The following GALNT9 variants were observed in gnomAD, a reference collection of about 807,000 sequenced individuals.
The protein encoded by GALNT9 is polypeptide N-acetylgalactosaminyltransferase 9.
Under a neutral mutation model 63.1 loss-of-function variants are expected in GALNT9, and 47 were observed. The observed-to-expected ratio is 0.75, with a 90% confidence interval of 0.59 to 0.95. The LOEUF is 0.95. Among genes scored for constraint, GALNT9 ranks in the 40% least tolerant of loss-of-function variants. The pLI is 0.00. For missense variants in GALNT9, 829 were observed against 874.8 expected (o/e 0.95, Z 0.66); for synonymous variants, 396 against 365.7 (o/e 1.08, Z -0.94).
chr12:132,260,849 C>A (rs1879347942), intron 4 of GALNT9, 99 bp downstream of exon 4: 7 of 1,423,972 alleles, frequency 4.9e-6, no homozygotes, highest in Non-Finnish European at 6.4e-6. Flanking sequence ...AGCCCCGGGG[C>A]CAACCCAGCG....
At chr12:132,313,805 T>TCCACCCACCCAC in intron 1 of GALNT9, among the ~76,000 whole-genome samples, 1 of 38,236 alleles carries the variant, frequency 2.6e-5, no homozygotes, top group Admixed American at 2.6e-4. Flanking sequence ...CACCCACCCA[T>TCCACCCACCCAC]CCACCCATCC....
At chr12:132,231,233 CAG>C (rs1403131716) in intron 6 of GALNT9, among the ~76,000 whole-genome samples, 1 of 49,464 alleles carries the variant, frequency 2.0e-5, no homozygotes, top group Non-Finnish European at 3.4e-5. Flanking sequence ...GATGGGGCGA[CAG>C]AGGAGACAGC....
intron 1 of GALNT9, among the ~76,000 whole-genome samples, chr12:132,311,884 C>A (rs1555245235): frequency 1.3e-5 from 2 of 152,204 alleles, no homozygotes; most frequent in Non-Finnish European, 2.9e-5. Flanking sequence ...AGCTCCCTTG[C>A]CCCTCTCTTT....
At chr12:132,300,800 C>G (rs1008652059) in intron 1 of GALNT9, among the ~76,000 whole-genome samples, 13 of 151,972 alleles carry the variant, frequency 8.6e-5, no homozygotes, top group Admixed American at 1.3e-4. Flanking sequence ...CACACCTAAC[C>G]CACCCCCACC....
In GALNT9 at chr12:132,310,368, C is replaced by T. The variant is rs144331803; in HGVS notation, c.238+18598G>A. Among the ~76,000 whole-genome samples, 492 of 152,312 alleles carry T rather than the reference C, an allele frequency of 3.2e-3. 1 individual carries two copies. The highest frequency in any genetic ancestry group is 4.6e-3 in the Non-Finnish European group (311 of 68,026). ...TCTGAGTTCCCTCACCCAGAGGAGC[C>T]GGGGCTGAGTGCCAGGAGTGAGAGC... is the stretch of plus-strand genomic sequence containing the variant. On this transcript the variant is annotated intron_variant, in intron 1 of 10. Coordinates refer to ENST00000328957, the MANE Select transcript of GALNT9 (RefSeq NM_001122636.2). The surrounding 1 kb of genome is among the most constrained non-coding windows in gnomAD (Gnocchi z 4.8).
At chr12:132,323,486 C>T (rs1476359827) in intron 1 of GALNT9, among the ~76,000 whole-genome samples, 3 of 152,350 alleles carry the variant, frequency 2.0e-5, no homozygotes, top group African/African-American at 4.8e-5. Context: ...GTTAAGGGAA[C>T]GGGCTGAGTG....
intron 4 of GALNT9, 75 bp from the exon 5 acceptor site, chr12:132,257,961 G>C: frequency 9.5e-7 from 1 of 1,055,044 alleles, no homozygotes; most frequent in Non-Finnish European, 1.4e-6. Context: ...TCGCCCACAG[G>C]GAGGGGAGGC....
At chr12:132,267,781 GC>G (rs1879672684) in intron 2 of GALNT9, among the ~76,000 whole-genome samples, 1 of 93,274 alleles carries the variant, frequency 1.1e-5, no homozygotes, top group African/African-American at 7.0e-5. Context: ...TCACACACAC[GC>G]ACACACACGC....
intron 5 of GALNT9, among the ~76,000 whole-genome samples, chr12:132,249,836 C>T (rs910367023): frequency 3.9e-5 from 6 of 152,184 alleles, no homozygotes; most frequent in East Asian, 1.9e-4. Context: ...TTCTCAGGCT[C>T]GCGTGGGGCT....
intron 2 of GALNT9, among the ~76,000 whole-genome samples, chr12:132,285,587 G>C (rs1462097372): frequency 6.6e-6 from 1 of 152,248 alleles, no homozygotes; most frequent in Non-Finnish European, 1.5e-5. Flanking sequence ...GCAGGCCACG[G>C]ATGGAACGGG....
At chr12:132,203,213 C>T (rs1394227166) in intron 7 of GALNT9, among the ~76,000 whole-genome samples, 2 of 152,300 alleles carry the variant, frequency 1.3e-5, no homozygotes, top group East Asian at 3.9e-4. Context: ...AGAGGCCGCC[C>T]CTCCCTGGCT....
Position 132,197,211 on chromosome 12 carries a change from C to G in GALNT9, c.1708G>C (p.Val570Leu). The G allele has an allele frequency of 6.2e-7, 1 of 1,613,900 alleles. No individual in the cohort carries two copies. The highest frequency in any genetic ancestry group is 8.5e-7 in the Non-Finnish European group (1 of 1,180,020). The change falls in exon 11 of 11, where the codon GTG becomes CTG. Residue 570 changes from valine to leucine, a missense_variant. Transcript: ENST00000328957. ...AAGTTGGCATCTTTGGACATCTCCA[C>G]CTCCAGGCAGCGGCCCGTGGCCCGG... ...VSRATGRCLE[V>L]EMSKDANFGL...
chr12:132,325,987 C>G (rs1046831430), intron 1 of GALNT9, among the ~76,000 whole-genome samples: 2 of 152,398 alleles, frequency 1.3e-5, no homozygotes, highest in African/African-American at 4.8e-5. Flanking sequence ...ACTCGCTCCA[C>G]GCCCACAGCA....
At chr12:132,208,803 A>G (rs1176779467) in intron 6 of GALNT9, among the ~76,000 whole-genome samples, 1 of 152,238 alleles carries the variant, frequency 6.6e-6, no homozygotes, top group African/African-American at 2.4e-5. Flanking sequence ...TTACACATCC[A>G]AGAGCTGACC....
intron 6 of GALNT9, among the ~76,000 whole-genome samples, chr12:132,239,987 G>C (rs1217519842): frequency 6.6e-6 from 1 of 152,092 alleles, no homozygotes; most frequent in South Asian, 2.1e-4. Flanking sequence ...TCTGGGGAGA[G>C]GAGTGATCAG....
At chr12:132,301,523 C>T (rs1350639889) in intron 1 of GALNT9, among the ~76,000 whole-genome samples, 3 of 152,254 alleles carry the variant, frequency 2.0e-5, no homozygotes, top group Admixed American at 1.3e-4. Flanking sequence ...GCCCCATCGT[C>T]GGCCCCTGCC....
intron 1 of GALNT9, among the ~76,000 whole-genome samples, chr12:132,301,410 G>T (rs782446120): frequency 1.8e-4 from 27 of 152,228 alleles, no homozygotes; most frequent in Non-Finnish European, 3.4e-4. Context: ...GGGCACGTGG[G>T]AATGGTCCAT....
intron 6 of GALNT9, among the ~76,000 whole-genome samples, chr12:132,204,172 A>G (rs111286744): frequency 6.9e-5 from 1 of 14,406 alleles, no homozygotes; most frequent in Non-Finnish European, 2.5e-4. Flanking sequence ...CAGCCTCCCC[A>G]GCTAATAAAA....
At chr12:132,313,492 A>C (rs186064477) in intron 1 of GALNT9, among the ~76,000 whole-genome samples, 109 of 123,680 alleles carry the variant, frequency 8.8e-4, no homozygotes, top group African/African-American at 3.1e-3. Flanking sequence ...CCATCCAGCC[A>C]TCCATCCATT....
Sources: gnomAD v4.1 joint callset for allele counts (sites outside exome capture counted in the v4.1 genomes callset) on GRCh38, gnomAD v4.1.1 for gene constraint, Gnocchi (gnomAD v3.1) non-coding constraint, MANE v1.5 for transcripts, NCBI Gene and HGNC (gene_info 2026-07-23, HGNC 2026-07-21) for gene names.